DCC: variants seen among roughly 807,000 people sequenced by gnomAD.
DCC encodes the protein DCC netrin 1 receptor.
In DCC, 58 loss-of-function variants were observed where a neutral mutation model predicts 172.5. The ratio of observed to expected loss-of-function variants is 0.34; its 90% CI spans 0.27 to 0.42. DCC has a LOEUF of 0.42. Among genes scored for constraint, DCC ranks in the 10% least tolerant of loss-of-function variants. DCC has a pLI of 1.00. For missense variants in DCC, 1,740 were observed against 1,791.0 expected (o/e 0.97, Z 0.51); for synonymous variants, 709 against 644.5 (o/e 1.10, Z -1.52).
chr18:53,345,596 T>G (rs2057714442), intron 15 of DCC, among the ~76,000 whole-genome samples: 1 of 152,224 alleles, frequency 6.6e-6, no homozygotes, highest in Admixed American at 6.5e-5. Flanking sequence ...GAAGTTCTTA[T>G]CCAATGTTAT....
chr18:52,683,080 T>A (rs1418362931), intron 1 of DCC, among the ~76,000 whole-genome samples: 1 of 152,098 alleles, frequency 6.6e-6, no homozygotes, highest in Non-Finnish European at 1.5e-5. Context: ...ATTTCATCAC[T>A]GAAACTGGTT....
At chr18:52,713,475 C>A (rs988484819) in intron 1 of DCC, among the ~76,000 whole-genome samples, 2 of 152,188 alleles carry the variant, frequency 1.3e-5, no homozygotes, top group African/African-American at 4.8e-5. Context: ...CCACCTGGTG[C>A]CACTTGGGGT....
At chr18:52,559,319 G>A (rs995142055) in intron 1 of DCC, among the ~76,000 whole-genome samples, 27 of 152,298 alleles carry the variant, frequency 1.8e-4, no homozygotes, top group African/African-American at 6.5e-4. Context: ...CACCGTGTTA[G>A]CCAGGATGGT....
At chr18:53,009,430 C>T (rs1884547716) in intron 5 of DCC, among the ~76,000 whole-genome samples, 1 of 151,860 alleles carries the variant, frequency 6.6e-6, no homozygotes, top group Admixed American at 6.6e-5. Context: ...GTCAATAAGA[C>T]ACTAAAACTG....
At chr18:53,103,715 G>A (rs1158318605) in intron 7 of DCC, among the ~76,000 whole-genome samples, 1 of 152,004 alleles carries the variant, frequency 6.6e-6, no homozygotes, top group Non-Finnish European at 1.5e-5. Flanking sequence ...CTAATTTAAA[G>A]TTCTATTTCT....
intron 7 of DCC, among the ~76,000 whole-genome samples, chr18:53,131,259 CTTTA>C (rs2043647185): frequency 1.3e-5 from 2 of 151,944 alleles, no homozygotes; most frequent in African/African-American, 4.8e-5. Flanking sequence ...CACAGTTTTT[CTTTA>C]TTCTCTCAAG....
At chr18:53,366,120 G>T (rs929728760) in intron 15 of DCC, among the ~76,000 whole-genome samples, 1 of 151,806 alleles carries the variant, frequency 6.6e-6, no homozygotes, top group African/African-American at 2.4e-5. Context: ...GCAGTGGCGC[G>T]ATCTTGGCTC....
At chr18:52,517,154 G>A (rs2031668697) in intron 1 of DCC, among the ~76,000 whole-genome samples, 1 of 152,220 alleles carries the variant, frequency 6.6e-6, no homozygotes, top group African/African-American at 2.4e-5. Context: ...AATAGAGGAA[G>A]GGTGCCAGAA....
chr18:53,150,775 T>A (rs1198429456), intron 7 of DCC, among the ~76,000 whole-genome samples: 3 of 152,192 alleles, frequency 2.0e-5, no homozygotes, highest in African/African-American at 7.2e-5. Context: ...GAGGTCTTCC[T>A]GGAATTGAGC....
chr18:53,048,796 A>T (rs185890899), intron 5 of DCC, among the ~76,000 whole-genome samples: 3 of 151,842 alleles, frequency 2.0e-5, no homozygotes, highest in Admixed American at 1.3e-4. Flanking sequence ...TTACATTTCC[A>T]CCAGCAGGGT....
At chr18:52,868,067 G>GTA (rs1428775362) in intron 2 of DCC, among the ~76,000 whole-genome samples, 31 of 148,130 alleles carry the variant, frequency 2.1e-4, no homozygotes, top group African/African-American at 7.9e-4. Context: ...GTGTGTGTGT[G>GTA]TGTGTGTGTG....
At chr18:53,445,373 A>C (rs1212409148) in intron 22 of DCC, among the ~76,000 whole-genome samples, 1 of 152,168 alleles carries the variant, frequency 6.6e-6, no homozygotes, top group African/African-American at 2.4e-5. Flanking sequence ...CTTTCATTGG[A>C]CCTCTTTCCT....
intron 2 of DCC, among the ~76,000 whole-genome samples, chr18:52,812,141 T>C (rs1428440063): frequency 6.6e-6 from 1 of 152,194 alleles, no homozygotes; most frequent in Non-Finnish European, 1.5e-5. Context: ...TTGAAAATGA[T>C]TGAATTTAGT....
At chr18:52,879,335 T>A (rs138931700) in intron 2 of DCC, among the ~76,000 whole-genome samples, 2,285 of 150,950 alleles carry the variant, frequency 0.015, 40 homozygotes, top group African/African-American at 0.039. Context: ...CACAAGTCAA[T>A]CATGCCAAAT....
At chr18:52,395,429 G>A (rs140597075) in intron 1 of DCC, among the ~76,000 whole-genome samples, 99 of 152,110 alleles carry the variant, frequency 6.5e-4, no homozygotes, top group African/African-American at 2.3e-3. Context: ...TTAGTGGGCT[G>A]TGGGCTTTTG....
chr18:52,570,442 G>A (rs1362571366), intron 1 of DCC, among the ~76,000 whole-genome samples: 2 of 152,180 alleles, frequency 1.3e-5, no homozygotes, highest in Non-Finnish European at 2.9e-5. Context: ...AAACTTTAAT[G>A]TTAAACAAGC....
chr18:53,085,009 G>T (rs981630275), intron 7 of DCC, among the ~76,000 whole-genome samples: 5 of 152,068 alleles, frequency 3.3e-5, no homozygotes, highest in Non-Finnish European at 5.9e-5. Context: ...TATGAAAATA[G>T]GGGATCCCAT....
At chr18:52,805,517 G>C (rs1246735706) in intron 2 of DCC, among the ~76,000 whole-genome samples, 1 of 152,196 alleles carries the variant, frequency 6.6e-6, no homozygotes, top group Non-Finnish European at 1.5e-5. Flanking sequence ...CAGAGAGGTA[G>C]GATGAGGTGA....
chr18:53,335,368 C>T (rs558292680), intron 14 of DCC, among the ~76,000 whole-genome samples: 2 of 152,150 alleles, frequency 1.3e-5, no homozygotes, highest in South Asian at 2.1e-4. Context: ...TCTCCCACCA[C>T]TATATTTTTA....
Sources: gnomAD v4.1 joint callset for allele counts (sites outside exome capture counted in the v4.1 genomes callset) on GRCh38, gnomAD v4.1.1 for gene constraint, MANE v1.5 for transcripts, NCBI Gene and HGNC (gene_info 2026-07-23, HGNC 2026-07-21) for gene names.